The following CBLB variants were observed in gnomAD, a reference collection of about 807,000 sequenced individuals.
CBLB encodes the protein Cbl proto-oncogene B.
In CBLB, 31 loss-of-function variants were observed where a neutral mutation model predicts 104.9. The ratio of observed to expected loss-of-function variants is 0.30; its 90% CI spans 0.22 to 0.40. CBLB has a LOEUF of 0.40. CBLB is among the 10% of genes least tolerant of loss of function. The pLI is 1.00. For synonymous variants in CBLB, 440 were observed against 422.6 expected (o/e 1.04, Z -0.51); for missense variants, 1,062 against 1,214.6 (o/e 0.87, Z 1.87).
At chr3:105,851,195 A>C (rs1234310382) in intron 3 of CBLB, among the ~76,000 whole-genome samples, 1 of 152,214 alleles carries the variant, frequency 6.6e-6, no homozygotes, top group African/African-American at 2.4e-5. Flanking sequence ...AGTATTATTC[A>C]GTGGCATAAA....
chr3:105,857,357 G>C (rs9874600), intron 2 of CBLB, among the ~76,000 whole-genome samples: 37,451 of 152,020 alleles, frequency 0.25, 5,035 homozygotes, highest in East Asian at 0.42. Flanking sequence ...TTAGAGCTAG[G>C]AAATTATAGA....
At chr3:105,849,361 A>G (rs1003137678) in intron 3 of CBLB, among the ~76,000 whole-genome samples, 1 of 152,098 alleles carries the variant, frequency 6.6e-6, no homozygotes, top group African/African-American at 2.4e-5. Context: ...AGGATATGCT[A>G]TATCAGCATA....
intron 3 of CBLB, among the ~76,000 whole-genome samples, chr3:105,850,782 A>C (rs1388481510): frequency 6.6e-6 from 1 of 152,190 alleles, no homozygotes; most frequent in African/African-American, 2.4e-5. Flanking sequence ...GATGGAAGTT[A>C]CATCTCCCAC....
At chr3:105,782,234 C>T (rs1259657940) in intron 3 of CBLB, among the ~76,000 whole-genome samples, 7 of 152,182 alleles carry the variant, frequency 4.6e-5, no homozygotes, top group Non-Finnish European at 1.0e-4. Flanking sequence ...GGAGAGTACA[C>T]AACAGACATT....
At chr3:105,784,335 T>G (rs776326270) in intron 3 of CBLB, among the ~76,000 whole-genome samples, 29 of 152,216 alleles carry the variant, frequency 1.9e-4, no homozygotes, top group Non-Finnish European at 3.2e-4. Flanking sequence ...GCTATGAGAT[T>G]CATACAGAAG....
chr3:105,831,402 G>A (rs556348483), intron 3 of CBLB, among the ~76,000 whole-genome samples: 4 of 152,298 alleles, frequency 2.6e-5, no homozygotes, highest in South Asian at 4.1e-4. Flanking sequence ...ACCGCCAGGC[G>A]GGCTCAAATG....
At chr3:105,762,940 C>T (rs768751547) in intron 4 of CBLB, among the ~76,000 whole-genome samples, 1 of 152,206 alleles carries the variant, frequency 6.6e-6, no homozygotes, top group Non-Finnish European at 1.5e-5. Flanking sequence ...CTGTACCCTG[C>T]GAAGCCACGG....
At chr3:105,731,186 A>T (rs2074273526) in intron 9 of CBLB, among the ~76,000 whole-genome samples, 1 of 152,214 alleles carries the variant, frequency 6.6e-6, no homozygotes, top group Non-Finnish European at 1.5e-5. Context: ...ATTACACAGC[A>T]TTAGTAATAC....
At chr3:105,795,117 T>C (rs1049470127) in intron 3 of CBLB, among the ~76,000 whole-genome samples, 1 of 152,168 alleles carries the variant, frequency 6.6e-6, no homozygotes, top group Non-Finnish European at 1.5e-5. Context: ...TTTCACCATG[T>C]TGGCCAGGAT....
At chr3:105,708,894 T>C (rs1382356331) in intron 10 of CBLB, among the ~76,000 whole-genome samples, 1 of 152,028 alleles carries the variant, frequency 6.6e-6, no homozygotes, top group African/African-American at 2.4e-5. Context: ...ATTATTTTGA[T>C]GTAAAAGGGA....
intron 17 of CBLB, 194 bp from the exon 18 acceptor site, chr3:105,670,546 T>C: frequency 3.5e-6 from 2 of 563,636 alleles, no homozygotes; most frequent in East Asian, 6.0e-5. Context: ...AAATATGCTC[T>C]TCACATTTAT....
chr3:105,724,062 A>G (rs1313025310), intron 9 of CBLB: 1 of 171,776 alleles, frequency 5.8e-6, no homozygotes, highest in Non-Finnish European at 1.3e-5. Flanking sequence ...GTTGCCACAA[A>G]TCTTTTTTTA....
At chr3:105,724,662 C>G (rs1473733715) in intron 9 of CBLB, among the ~76,000 whole-genome samples, 1 of 152,070 alleles carries the variant, frequency 6.6e-6, no homozygotes, top group African/African-American at 2.4e-5. Flanking sequence ...TATCTCTATA[C>G]GAATTCCATT....
chr3:105,789,106 A>G (rs962144281), intron 3 of CBLB, among the ~76,000 whole-genome samples: 1 of 152,204 alleles, frequency 6.6e-6, no homozygotes, highest in African/African-American at 2.4e-5. Context: ...TCAAGCCACG[A>G]AATTTTGGGG....
intron 3 of CBLB, among the ~76,000 whole-genome samples, chr3:105,812,558 G>A (rs976236135): frequency 6.6e-6 from 1 of 152,184 alleles, no homozygotes; most frequent in Non-Finnish European, 1.5e-5. Flanking sequence ...ACAGCTCCAA[G>A]TAGAAATGAG....
At chr3:105,868,354 T>A (rs898566975) in intron 1 of CBLB, 29 of 537,546 alleles carry the variant, frequency 5.4e-5, no homozygotes, top group Non-Finnish European at 7.9e-5. Flanking sequence ...CCTGTGTCCC[T>A]TCCCTGCTCA....
At chr3:105,699,407 A>T (rs907491973) in intron 12 of CBLB, among the ~76,000 whole-genome samples, 8 of 152,170 alleles carry the variant, frequency 5.3e-5, no homozygotes, top group African/African-American at 1.9e-4. Flanking sequence ...TATTATTATT[A>T]TTCCATTTTA....
chr3:105,770,986 C>G (rs1057331395), intron 4 of CBLB, among the ~76,000 whole-genome samples: 1 of 152,194 alleles, frequency 6.6e-6, no homozygotes, highest in African/African-American at 2.4e-5. Context: ...CAAATTGGTA[C>G]TAATCCTACT....
intron 12 of CBLB, among the ~76,000 whole-genome samples, chr3:105,701,449 G>A (rs192641972): frequency 1.4e-3 from 208 of 152,212 alleles, no homozygotes; most frequent in Non-Finnish European, 2.5e-3. Context: ...AAATTGGATG[G>A]AACTAAAGGA....
Sources: allele counts gnomAD v4.1 joint callset (sites outside exome capture counted in the v4.1 genomes callset), GRCh38; gene constraint gnomAD v4.1.1; transcripts MANE v1.5; gene names NCBI Gene and HGNC (gene_info 2026-07-23, HGNC 2026-07-21).